The following ATP6V0A1 variants were observed in gnomAD, a reference collection of about 807,000 sequenced individuals.
ATP6V0A1 encodes the protein ATPase H+ transporting V0 subunit a1, also known as V-type proton ATPase 116 kDa subunit a 1.
ATP6V0A1 carries 43 observed loss-of-function variants against 105.4 expected under a neutral mutation model. That is an observed-to-expected ratio of 0.41 (90% CI 0.32 to 0.53). ATP6V0A1 has a LOEUF of 0.53. ATP6V0A1 is among the 20% of genes least tolerant of loss of function. The pLI, the probability that ATP6V0A1 is intolerant of heterozygous loss-of-function variation, is 0.30. For synonymous variants in ATP6V0A1, 362 were observed against 372.8 expected (o/e 0.97, Z 0.33); for missense variants, 676 against 1,051.1 (o/e 0.64, Z 4.93).
At chr17:42,474,312 T>C (rs971510442) in intron 5 of ATP6V0A1, among the ~76,000 whole-genome samples, 1 of 151,726 alleles carries the variant, frequency 6.6e-6, no homozygotes, top group Non-Finnish European at 1.5e-5. Context: ...CCCCCTCCTA[T>C]TTTATTCAAA....
chr17:42,521,208 C>T lies in ATP6V0A1; in HGVS notation c.*88C>T. The T allele has an allele frequency of 4.2e-6, 5 of 1,198,524 alleles. No individual in the cohort carries two copies. Among genetic ancestry groups the T allele is most frequent in the Non-Finnish European group, 5.8e-6 (5 of 857,548 alleles). 74.2% of individuals were successfully genotyped at this position (1,198,524 alleles called of 1,614,324 possible). The stretch of plus-strand genomic sequence containing the variant: ...TGCCTCTCTGCCTGTTGGTTGTGAT[C>T]TGTGGGCACCAGCTCATTCGTGTCA... On this transcript the variant is annotated 3_prime_UTR_variant, in exon 22 of 22. Transcript: ENST00000343619. The surrounding 1 kb of genome is among the most constrained non-coding windows in gnomAD (Gnocchi z 4.8).
chr17:42,480,809 A>G, intron 8 of ATP6V0A1, 60 bp downstream of exon 8: 2 of 1,479,486 alleles, frequency 1.4e-6, no homozygotes, highest in South Asian at 2.4e-5. Context: ...GTTGAGTCTT[A>G]AAGTTCACAA....
At position 42,508,584 on chromosome 17, in the gene ATP6V0A1, G is replaced by A. The variant is rs376546870; in HGVS notation, c.2125G>A (p.Glu709Lys). 3.2e-5 allele frequency: 51 copies of A among 1,613,846 alleles called. No individual in the cohort carries two copies. The highest frequency in any genetic ancestry group is 4.2e-5 in the Non-Finnish European group (49 of 1,179,902). The change falls in exon 19 of 22, where the codon GAA becomes AAA. Residue 709 changes from glutamate to lysine, a missense_variant. This residue lies in a region of ATP6V0A1 where 435 missense variants were observed against 642.2 expected (regional missense o/e 0.68). Coordinates refer to ENST00000343619, the MANE Select transcript of ATP6V0A1 (RefSeq NM_001130021.3). ...TTGTGTTTTCAAGCCTTCCGAGGAC[G>A]AAGTGGTAAGATGAAAGCTGGCGTT... ...SEDADEPSED[E>K]VFDFGDTMVH... is the part of the protein sequence containing the mutation.
chr17:42,462,338 A>C (rs1230260360), intron 2 of ATP6V0A1, among the ~76,000 whole-genome samples: 1 of 152,090 alleles, frequency 6.6e-6, no homozygotes. Context: ...GCTCCATGCC[A>C]GTCCTTTCTT....
intron 11 of ATP6V0A1, among the ~76,000 whole-genome samples, chr17:42,493,616 TG>T: frequency 6.6e-6 from 1 of 152,042 alleles, no homozygotes; most frequent in East Asian, 1.9e-4. Flanking sequence ...GGCAAAATAG[TG>T]AGATTCCATC....
In ATP6V0A1 at chr17:42,514,414, A is replaced by G. The variant is rs1351836920; in HGVS notation, c.2374A>G (p.Ile792Val). Reference sequence around the variant, plus strand: ...CACCCTGACCGTGGCCATCCTCCTGATCATGGAGGGCCTCTCGGCCTTTCT... The same window carrying G: ...CACCCTGACCGTGGCCATCCTCCTGGTCATGGAGGGCCTCTCGGCCTTTCT... ...FATLTVAILLIMEGLSAFLHA... is the reference protein window; with the variant it reads ...FATLTVAILLVMEGLSAFLHA... The change falls in exon 21 of 22, where the codon ATC becomes GTC. Residue 792 changes from isoleucine (I) to valine (V), a missense_variant. By Grantham distance (29) the Ile-to-Val change is conservative. This residue lies in a region of ATP6V0A1 where 435 missense variants were observed against 642.2 expected (regional missense o/e 0.68). Transcript: ENST00000343619. The G allele has an allele frequency of 6.2e-7, 1 of 1,612,858 alleles. No individual in the cohort carries two copies. The highest frequency in any genetic ancestry group is 8.5e-7 in the Non-Finnish European group (1 of 1,179,538).
At chr17:42,464,253 T>A (rs1450863236) in intron 2 of ATP6V0A1, among the ~76,000 whole-genome samples, 1 of 152,236 alleles carries the variant, frequency 6.6e-6, no homozygotes, top group Non-Finnish European at 1.5e-5. Flanking sequence ...TGTGTCCGTC[T>A]CTTCTGTAGA....
intron 10 of ATP6V0A1, 117 bp downstream of exon 10, chr17:42,487,484 T>C (rs2090211249): frequency 1.0e-6 from 1 of 995,106 alleles, no homozygotes; most frequent in Non-Finnish European, 1.5e-6. Flanking sequence ...TCCCAGAACT[T>C]TGGGAGGCCG....
At chr17:42,514,206 G>A (rs534530482) in intron 20 of ATP6V0A1, 83 bp from the exon 21 acceptor site, 211 of 1,498,338 alleles carry the variant, frequency 1.4e-4, no homozygotes, top group Non-Finnish European at 1.0e-4. Context: ...GAACCCTAGA[G>A]CAGGGGGATG....
intron 11 of ATP6V0A1, among the ~76,000 whole-genome samples, chr17:42,491,899 C>T (rs769442204): frequency 2.6e-5 from 4 of 151,538 alleles, no homozygotes; most frequent in Non-Finnish European, 5.9e-5. Context: ...TTACAAAGTG[C>T]TGGGTGGCGT....
intron 8 of ATP6V0A1, among the ~76,000 whole-genome samples, chr17:42,482,492 A>G (rs889378513): frequency 2.0e-5 from 3 of 152,026 alleles, no homozygotes; most frequent in East Asian, 1.9e-4. Context: ...TTAATTTACA[A>G]TATAATTTGC....
chr17:42,478,590 G>C lies in ATP6V0A1; in HGVS notation c.633+1G>C. On this transcript the variant is annotated splice_donor_variant, in intron 7 of 21. Coordinates refer to ENST00000343619, the MANE Select transcript of ATP6V0A1 (RefSeq NM_001130021.3). LOFTEE classifies it high-confidence loss of function. ...GAACCCCCTGGAGGATCCTGTGACT[G>C]TAAGACAAGGAGATTGCATCCTGTG... 1 of 1,574,750 alleles carries C rather than the reference G, an allele frequency of 6.4e-7. No individual in the cohort carries two copies. The highest frequency in any genetic ancestry group is 8.7e-7 in the Non-Finnish European group (1 of 1,156,062).
intron 21 of ATP6V0A1, among the ~76,000 whole-genome samples, chr17:42,514,822 G>A (rs2092535666): frequency 6.6e-6 from 1 of 152,138 alleles, no homozygotes; most frequent in African/African-American, 2.4e-5. Context: ...CTTCAGAACA[G>A]TGGAAGCAGC....
chr17:42,465,729 C>A (rs1232221591), intron 2 of ATP6V0A1, among the ~76,000 whole-genome samples: 1 of 151,312 alleles, frequency 6.6e-6, no homozygotes, highest in Non-Finnish European at 1.5e-5. Flanking sequence ...TTTGGGAGGC[C>A]GAGGTGGGTG....
At chr17:42,477,245 T>C (rs554060058) in intron 5 of ATP6V0A1, among the ~76,000 whole-genome samples, 1 of 152,344 alleles carries the variant, frequency 6.6e-6, no homozygotes, top group African/African-American at 2.4e-5. Context: ...CTCTTCATTA[T>C]TGCACAGAAA....
chr17:42,507,492 A>T (rs1198357638), intron 17 of ATP6V0A1, 28 bp from the exon 18 acceptor site: 1 of 1,546,988 alleles, frequency 6.5e-7, no homozygotes, highest in African/African-American at 1.4e-5. Flanking sequence ...GCCCAGGCAA[A>T]TTCTACTCTT....
intron 3 of ATP6V0A1, among the ~76,000 whole-genome samples, chr17:42,467,133 C>T (rs930685057): frequency 6.2e-5 from 8 of 128,586 alleles, no homozygotes; most frequent in East Asian, 4.6e-4. Context: ...GGCGACAGAG[C>T]GAGACTCCGT....
At chr17:42,508,017 C>T (rs186727368) in intron 18 of ATP6V0A1, among the ~76,000 whole-genome samples, 35 of 152,350 alleles carry the variant, frequency 2.3e-4, no homozygotes, top group Non-Finnish European at 4.3e-4. Context: ...GTTCCAATTA[C>T]ATTACTGACC....
At chr17:42,489,417 C>G (rs867583777) in intron 10 of ATP6V0A1, among the ~76,000 whole-genome samples, 1 of 151,932 alleles carries the variant, frequency 6.6e-6, no homozygotes, top group African/African-American at 2.4e-5. Context: ...CTGATAGTAT[C>G]TAGGTTGGAT....
Sources: allele counts gnomAD v4.1 joint callset (sites outside exome capture counted in the v4.1 genomes callset), GRCh38; gene constraint gnomAD v4.1.1; regional missense constraint gnomAD v4.1.1; non-coding constraint Gnocchi (gnomAD v3.1); transcripts MANE v1.5; gene names NCBI Gene and HGNC (gene_info 2026-07-23, HGNC 2026-07-21).